Variants in TMEM33 observed in about 807,000 individuals in gnomAD.
TMEM33 encodes transmembrane protein 33.
Under a neutral mutation model 29.7 loss-of-function variants are expected in TMEM33, and 16 were observed. The ratio of observed to expected loss-of-function variants is 0.54; its 90% CI spans 0.36 to 0.82. The LOEUF is 0.82. Among genes scored for constraint, TMEM33 ranks in the 40% least tolerant of loss-of-function variants. The pLI, the probability that TMEM33 is intolerant of heterozygous loss-of-function variation, is 0.00. For missense variants in TMEM33, 252 were observed against 295.3 expected (o/e 0.85, Z 1.08); for synonymous variants, 112 against 109.4 (o/e 1.02, Z -0.15).
chr4:41,935,251 G>A (rs144259084), upstream of TMEM33: 140 of 598,418 alleles, frequency 2.3e-4, 2 homozygotes, highest in African/African-American at 2.4e-3. Context: ...TGATCTCGGC[G>A]GTGCGGGACA....
At chr4:41,952,800 A>G (rs955418642) in intron 6 of TMEM33, among the ~76,000 whole-genome samples, 5 of 152,184 alleles carry the variant, frequency 3.3e-5, no homozygotes, top group Admixed American at 6.6e-5. Flanking sequence ...AGCATCTTCC[A>G]TATTGCATTT....
intron 6 of TMEM33, among the ~76,000 whole-genome samples, chr4:41,952,320 G>C (rs1713075862): frequency 6.6e-6 from 1 of 152,126 alleles, no homozygotes; most frequent in African/African-American, 2.4e-5. Flanking sequence ...GTTTAGAAAA[G>C]TAGATTTGTT....
At chr4:41,950,646 G>A (rs986886034) in intron 6 of TMEM33, among the ~76,000 whole-genome samples, 3 of 151,878 alleles carry the variant, frequency 2.0e-5, no homozygotes, top group East Asian at 1.9e-4. Flanking sequence ...TTAGACATTC[G>A]TTCTTAGTGA....
At position 41,935,494 on chromosome 4, in the gene TMEM33, A is replaced by G; in HGVS notation, c.10A>G (p.Thr4Ala). The G allele has an allele frequency of 3.1e-6, 5 of 1,609,734 alleles. No individual in the cohort carries two copies. In the South Asian group the frequency reaches 4.4e-5, roughly 14 times the overall value. The change falls in exon 1 of 7, where the codon ACG becomes GCG. Residue 4 changes from threonine to alanine, a missense_variant. Transcript: ENST00000504986. MADTTPNGPQGAGA... is the reference protein window; with the variant it reads MADATPNGPQGAGA... ...GCTAGTGTGAGCCCCCATGGCAGAT[A>G]CGACCCCGAACGGCCCCCAAGGGGC...
Position 41,954,072 on chromosome 4 carries a change from C to T in TMEM33, c.617C>T (p.Thr206Ile), listed in dbSNP as rs765559992. 1 of 1,613,378 alleles carries T rather than the reference C, an allele frequency of 6.2e-7. No homozygotes were observed. The highest frequency in any genetic ancestry group is 2.2e-5 in the East Asian group (1 of 44,846). The change falls in exon 7 of 7, where the codon ACC (threonine) becomes ATC (isoleucine). Residue 206 changes from threonine to isoleucine, a missense_variant and splice_region_variant. Physicochemically the swap from Thr to Ile is moderately conservative, Grantham distance 89 (BLOSUM62 -1). Coordinates refer to ENST00000504986, the MANE Select transcript of TMEM33 (RefSeq NM_018126.3). ...YSSRRNPYCR[T>I]LFNELRIVVE... ...AAGAAAACTATTTTGTCTTGCAGGA[C>T]CTTATTTAATGAACTGAGGATTGTT...
chr4:41,939,698 T>C (rs79992369), intron 3 of TMEM33: 3 of 469,666 alleles, frequency 6.4e-6, no homozygotes, highest in Non-Finnish European at 1.3e-5. Flanking sequence ...ATTTTTTTCA[T>C]TTAATTCACG....
At chr4:41,939,665 GC>G in intron 3 of TMEM33, 2 of 513,898 alleles carry the variant, frequency 3.9e-6, no homozygotes, top group Non-Finnish European at 7.5e-6. Context: ...ACAACCTTAC[GC>G]AGAACTTACT....
intron 6 of TMEM33, among the ~76,000 whole-genome samples, chr4:41,952,371 G>T (rs955345142): frequency 6.6e-6 from 1 of 152,154 alleles, no homozygotes; most frequent in Admixed American, 6.5e-5. Flanking sequence ...GACACAAAAA[G>T]GTAGAATAGT....
chr4:41,947,705 A>C (rs1304472524), intron 5 of TMEM33, among the ~76,000 whole-genome samples: 1 of 152,224 alleles, frequency 6.6e-6, no homozygotes, highest in Non-Finnish European at 1.5e-5. Flanking sequence ...CTAAACAATA[A>C]AATTAAGAAC....
intron 4 of TMEM33, 150 bp from the exon 5 acceptor site, chr4:41,944,643 C>A: frequency 1.1e-6 from 1 of 895,468 alleles, no homozygotes; most frequent in Non-Finnish European, 1.7e-6. Flanking sequence ...CTATATTTGT[C>A]CTTAAATAGT....
rs751426990 is a variant in TMEM33 at position 41,949,377 on chromosome 4, A to G, written c.606A>G (p.Pro202=). Residue 202 remains proline (P), a synonymous_variant, in exon 6 of 7, where the codon CCA becomes CCG. Coordinates refer to ENST00000504986, the MANE Select transcript of TMEM33 (RefSeq NM_018126.3). ...LTLRYSSRRN[P]YCRTLFNELR... Reference sequence around the variant, plus strand: ...TTCGATATTCGTCTCGAAGAAACCCATATTGTCGGTAAGCTGATGATTATT... The same window carrying G: ...TTCGATATTCGTCTCGAAGAAACCCGTATTGTCGGTAAGCTGATGATTATT... 1 of 1,609,242 alleles carries G rather than the reference A, an allele frequency of 6.2e-7. No individual in the cohort carries two copies. Among genetic ancestry groups the G allele is most frequent in the South Asian group, 1.1e-5 (1 of 90,486 alleles).
At position 41,954,311 on chromosome 4, in the gene TMEM33, T is replaced by C. The variant is rs1713169613; in HGVS notation, c.*112T>C. On this transcript the variant is annotated 3_prime_UTR_variant, in exon 7 of 7. Coordinates refer to ENST00000504986, the MANE Select transcript of TMEM33 (RefSeq NM_018126.3). ...ACTGACCTCAATCCAATTTACATAATTTACATAAATGCATCTCGGTGGAAA... is the reference window on the plus strand; with the variant it reads ...ACTGACCTCAATCCAATTTACATAACTTACATAAATGCATCTCGGTGGAAA... 9.1e-7 allele frequency: 1 copy of C among 1,096,622 alleles called. No homozygotes were observed. Among genetic ancestry groups the C allele is most frequent in the Admixed American group, 2.6e-5 (1 of 38,158 alleles). The allele number at this position is 1,096,622 out of a possible 1,614,324, so 67.9% of individuals were successfully genotyped here.
intron 3 of TMEM33, among the ~76,000 whole-genome samples, chr4:41,940,872 T>G (rs1712511949): frequency 6.6e-6 from 1 of 151,366 alleles, no homozygotes. Flanking sequence ...AAAAAAATTG[T>G]TGTGGTATAT....
At chr4:41,943,581 A>G (rs1577650211) in intron 3 of TMEM33, among the ~76,000 whole-genome samples, 166 bp from the exon 4 acceptor site, 1 of 152,172 alleles carries the variant, frequency 6.6e-6, no homozygotes, top group South Asian at 2.1e-4. Flanking sequence ...TTTCTTCTTT[A>G]TAGTGAACAA....
At position 41,958,822 on chromosome 4, in the gene TMEM33, C is replaced by A. The variant is rs1335204302; in HGVS notation, c.*4623C>A. 2 of 150,488 alleles carry A rather than the reference C, an allele frequency of 1.3e-5. No individual in the cohort carries two copies. The highest frequency in any genetic ancestry group is 4.9e-5 in the African/African-American group (2 of 40,440). 9.3% of individuals were successfully genotyped at this position (150,488 alleles called of 1,614,324 possible). On this transcript the variant is annotated 3_prime_UTR_variant, in exon 7 of 7. Coordinates refer to ENST00000504986, the MANE Select transcript of TMEM33 (RefSeq NM_018126.3). ...CTCCTGGGTTAAAGCGATTCTCATG[C>A]CTCAGCCTCCCTAGTAGCTGAGACT... is the stretch of plus-strand genomic sequence containing the variant.
chr4:41,946,958 C>G (rs979852148), intron 5 of TMEM33, among the ~76,000 whole-genome samples: 1 of 151,950 alleles, frequency 6.6e-6, no homozygotes, highest in East Asian at 1.9e-4. Context: ...GATACCAGGC[C>G]GAGCACGGTG....
intron 5 of TMEM33, among the ~76,000 whole-genome samples, chr4:41,948,465 T>G (rs1712889936): frequency 6.6e-6 from 1 of 152,048 alleles, no homozygotes; most frequent in Admixed American, 6.5e-5. Flanking sequence ...TCGTGTAAAT[T>G]TTTTTTAATG....
chr4:41,949,171 A>G (rs1276965684), intron 5 of TMEM33, 131 bp from the exon 6 acceptor site: 3 of 533,320 alleles, frequency 5.6e-6, no homozygotes, highest in South Asian at 3.1e-5. Flanking sequence ...GGATTTAGAC[A>G]TGATAGATTT....
At chr4:41,946,673 A>G (rs1258695038) in intron 5 of TMEM33, among the ~76,000 whole-genome samples, 1 of 152,208 alleles carries the variant, frequency 6.6e-6, no homozygotes, top group Non-Finnish European at 1.5e-5. Flanking sequence ...AAAGCATATA[A>G]AAGAAAAGGG....
Sources: gnomAD v4.1 joint callset for allele counts (sites outside exome capture counted in the v4.1 genomes callset) on GRCh38, gnomAD v4.1.1 for gene constraint, MANE v1.5 for transcripts, NCBI Gene and HGNC (gene_info 2026-07-23, HGNC 2026-07-21) for gene names.